EBF1: variants seen among roughly 807,000 people sequenced by gnomAD.
EBF1 encodes the protein EBF transcription factor 1.
A neutral mutation model predicts 68.4 loss-of-function variants in EBF1; 10 were observed. That is an observed-to-expected ratio of 0.15 (90% CI 0.09 to 0.25). The LOEUF (loss-of-function observed/expected upper bound fraction) is 0.25, where lower values mean the gene tolerates loss of function less well. Ranked by LOEUF, EBF1 falls within the 10% of genes least tolerant of loss-of-function variation. EBF1 has a pLI of 1.00. For synonymous variants in EBF1, 298 were observed against 299.8 expected, an observed-to-expected ratio of 0.99 and a Z score of 0.06; for missense variants, 509 against 794.4, an observed-to-expected ratio of 0.64 and a Z score of 4.32.
chr5:158,935,163 T>C (rs1020908077), intron 6 of EBF1, among the ~76,000 whole-genome samples: 1 of 152,202 alleles, frequency 6.6e-6, no homozygotes, highest in African/African-American at 2.4e-5. Flanking sequence ...GGCAGGCAAG[T>C]GTCCTTCATC....
chr5:158,905,883 C>G (rs1804470944), intron 6 of EBF1, among the ~76,000 whole-genome samples: 1 of 152,070 alleles, frequency 6.6e-6, no homozygotes, highest in Admixed American at 6.5e-5. Flanking sequence ...TAGTGGGTAG[C>G]AGGAGGGATA....
intron 6 of EBF1, among the ~76,000 whole-genome samples, chr5:158,960,205 T>C (rs2127531944): frequency 6.6e-6 from 1 of 152,352 alleles, no homozygotes; most frequent in Non-Finnish European, 1.5e-5. Flanking sequence ...ATCAGTGGAA[T>C]ATCTACCCTA....
At chr5:158,710,924 G>A (rs542137893) in intron 14 of EBF1, among the ~76,000 whole-genome samples, 23 of 152,278 alleles carry the variant, frequency 1.5e-4, no homozygotes, top group Middle Eastern at 6.8e-3. Context: ...TGTCCAAGAT[G>A]AACTTCAAAG....
chr5:159,030,932 G>A (rs1474210289), intron 6 of EBF1, among the ~76,000 whole-genome samples: 11 of 152,044 alleles, frequency 7.2e-5, no homozygotes, highest in East Asian at 1.9e-4. Context: ...CAGCACTTTC[G>A]GAGCTCGAGG....
At chr5:158,767,948 G>A (rs912651720) in intron 10 of EBF1, among the ~76,000 whole-genome samples, 1 of 152,114 alleles carries the variant, frequency 6.6e-6, no homozygotes, top group Non-Finnish European at 1.5e-5. Flanking sequence ...CTTACGAAAA[G>A]TACAGCACGT....
intron 6 of EBF1, among the ~76,000 whole-genome samples, chr5:158,923,394 T>C (rs957397725): frequency 6.6e-6 from 1 of 152,218 alleles, no homozygotes; most frequent in African/African-American, 2.4e-5. Flanking sequence ...ATGATGAAAA[T>C]GAATCCATCT....
At chr5:159,088,629 G>A (rs1781120361) in intron 4 of EBF1, among the ~76,000 whole-genome samples, 1 of 152,088 alleles carries the variant, frequency 6.6e-6, no homozygotes. Flanking sequence ...TTAGGGCCCA[G>A]ACAATGAAAC....
At chr5:158,804,068 G>A (rs1480652626) in intron 8 of EBF1, among the ~76,000 whole-genome samples, 3 of 148,178 alleles carry the variant, frequency 2.0e-5, no homozygotes, top group Non-Finnish European at 3.0e-5. Flanking sequence ...AATATTAAAT[G>A]AGGAGATTGA....
At chr5:158,823,112 G>T in intron 8 of EBF1, 64 bp downstream of exon 8, 1 of 1,608,742 alleles carries the variant, frequency 6.2e-7, no homozygotes, top group Non-Finnish European at 8.5e-7. Flanking sequence ...TGGAGTGGAA[G>T]AAAGAAACCA....
At chr5:159,091,564 A>C (rs1056836662) in intron 4 of EBF1, among the ~76,000 whole-genome samples, 10 of 152,220 alleles carry the variant, frequency 6.6e-5, no homozygotes, top group Admixed American at 5.9e-4. Flanking sequence ...TGGCCTAGTG[A>C]ATTCCTTGGG....
intron 10 of EBF1, among the ~76,000 whole-genome samples, chr5:158,756,316 T>A (rs1038973334): frequency 2.0e-5 from 3 of 152,034 alleles, no homozygotes; most frequent in Non-Finnish European, 4.4e-5. Context: ...CCCAGGGTAA[T>A]CAGTCATCTT....
At chr5:158,838,745 T>C (rs1789456684) in intron 7 of EBF1, among the ~76,000 whole-genome samples, 1 of 152,000 alleles carries the variant, frequency 6.6e-6, no homozygotes, top group East Asian at 1.9e-4. Flanking sequence ...TCAGAGATCA[T>C]ACATTTCAAT....
intron 6 of EBF1, among the ~76,000 whole-genome samples, chr5:159,015,307 A>G (rs759633985): frequency 2.6e-5 from 4 of 152,222 alleles, no homozygotes; most frequent in African/African-American, 7.2e-5. Context: ...AACAGAACTC[A>G]TGGTGAACTC....
At chr5:158,845,625 T>C (rs1235097958) in intron 6 of EBF1, among the ~76,000 whole-genome samples, 1 of 149,564 alleles carries the variant, frequency 6.7e-6, no homozygotes, top group African/African-American at 2.5e-5. Context: ...CTTCACTCTT[T>C]AAATGTTAAG....
At chr5:158,741,635 G>T (rs1032396092) in intron 10 of EBF1, among the ~76,000 whole-genome samples, 3 of 151,550 alleles carry the variant, frequency 2.0e-5, no homozygotes, top group Non-Finnish European at 4.4e-5. Flanking sequence ...CCTTAAACTG[G>T]TAGTTTATAC....
chr5:158,733,726 T>C (rs1462763964), intron 10 of EBF1, among the ~76,000 whole-genome samples: 1 of 152,200 alleles, frequency 6.6e-6, no homozygotes, highest in Non-Finnish European at 1.5e-5. Flanking sequence ...TTGCTGTCTG[T>C]TCATAGCTTT....
At position 158,951,959 on chromosome 5, in the gene EBF1, G is replaced by T. The variant is rs907314198; in HGVS notation, c.555-111849C>A. 6.6e-5 allele frequency among the ~76,000 whole-genome samples: 10 copies of T among 152,182 alleles called. No individual in the cohort carries two copies. In the South Asian group the frequency reaches 2.1e-3, roughly 32 times the overall value. ...CACTAAAAGACACTGTTAAAAACCCGCCAGCTTTTATTAGCAGAAACAAAT... is the reference window on the plus strand; with the variant it reads ...CACTAAAAGACACTGTTAAAAACCCTCCAGCTTTTATTAGCAGAAACAAAT... On this transcript the variant is annotated intron_variant, in intron 6 of 15. Coordinates refer to ENST00000313708, the MANE Select transcript of EBF1 (RefSeq NM_024007.5).
At chr5:158,845,103 A>G (rs767580784) in intron 6 of EBF1, among the ~76,000 whole-genome samples, 4 of 152,218 alleles carry the variant, frequency 2.6e-5, no homozygotes, top group Non-Finnish European at 5.9e-5. Context: ...TGCCCGGCGT[A>G]AGACCTAGAA....
At chr5:158,936,514 T>C (rs1289355120) in intron 6 of EBF1, among the ~76,000 whole-genome samples, 1 of 152,194 alleles carries the variant, frequency 6.6e-6, no homozygotes, top group Non-Finnish European at 1.5e-5. Flanking sequence ...GAGTGCACCA[T>C]ACTAACATCA....
Sources: allele counts gnomAD v4.1 joint callset (sites outside exome capture counted in the v4.1 genomes callset), GRCh38; gene constraint gnomAD v4.1.1; transcripts MANE v1.5; gene names NCBI Gene and HGNC (gene_info 2026-07-23, HGNC 2026-07-21).